Variants in PRKD3 observed in about 807,000 individuals in gnomAD.
The protein encoded by PRKD3 is protein kinase D3, also known as serine/threonine-protein kinase D3.
A neutral mutation model predicts 99.2 loss-of-function variants in PRKD3; 47 were observed. That is an observed-to-expected ratio of 0.47 (90% CI 0.38 to 0.60). PRKD3 has a LOEUF of 0.60. Ranked by LOEUF, PRKD3 falls within the 20% of genes least tolerant of loss-of-function variation. The pLI is 0.00. For missense variants in PRKD3, 1,019 were observed against 1,088.4 expected (o/e 0.94, Z 0.90); for synonymous variants, 392 against 355.4 (o/e 1.10, Z -1.16).
At chr2:37,291,041 C>T (rs530820558) in intron 3 of PRKD3, 42 bp from the exon 4 acceptor site, 3 of 1,533,844 alleles carry the variant, frequency 2.0e-6, no homozygotes, top group South Asian at 1.2e-5. Flanking sequence ...TGTATTTGTA[C>T]TGCGATGAGA....
intron 2 of PRKD3, among the ~76,000 whole-genome samples, chr2:37,294,260 T>A (rs996622572): frequency 2.0e-5 from 3 of 148,564 alleles, no homozygotes; most frequent in Non-Finnish European, 4.4e-5. Flanking sequence ...CACTCCCAGC[T>A]AATTTTTTAT....
intron 2 of PRKD3, among the ~76,000 whole-genome samples, chr2:37,311,652 AT>A (rs1050791938): frequency 2.6e-5 from 4 of 152,188 alleles, no homozygotes; most frequent in African/African-American, 4.8e-5. Flanking sequence ...AATTTTAAGA[AT>A]TTTTTTAAAG....
At chr2:37,311,418 T>G (rs928675661) in intron 2 of PRKD3, among the ~76,000 whole-genome samples, 6 of 152,188 alleles carry the variant, frequency 3.9e-5, no homozygotes, top group Non-Finnish European at 1.5e-5. Flanking sequence ...TGTTTCATCT[T>G]GGGAGCTTCC....
intron 2 of PRKD3, among the ~76,000 whole-genome samples, chr2:37,301,564 G>A (rs540789397): frequency 6.6e-6 from 1 of 151,934 alleles, no homozygotes; most frequent in Non-Finnish European, 1.5e-5. Flanking sequence ...CTCCCAAAGT[G>A]CTGAGATTAT....
intron 2 of PRKD3, among the ~76,000 whole-genome samples, chr2:37,302,873 G>A (rs1670996667): frequency 6.6e-6 from 1 of 152,082 alleles, no homozygotes; most frequent in Non-Finnish European, 1.5e-5. Flanking sequence ...GTGGGTCCTG[G>A]CGAAACCCCA....
intron 9 of PRKD3, among the ~76,000 whole-genome samples, chr2:37,276,813 T>C (rs1228271643): frequency 2.1e-5 from 3 of 141,542 alleles, no homozygotes; most frequent in Non-Finnish European, 3.0e-5. Flanking sequence ...CACATACACA[T>C]ATATATACAT....
intron 17 of PRKD3, among the ~76,000 whole-genome samples, chr2:37,256,440 C>CT (rs1322725548): frequency 6.6e-6 from 1 of 151,926 alleles, no homozygotes; most frequent in Non-Finnish European, 1.5e-5. Flanking sequence ...GCCACTGGGG[C>CT]CTATGTAAGT....
Position 37,316,312 on chromosome 2 carries a change from C to G in PRKD3, c.213G>C (p.Glu71Asp), listed in dbSNP as rs1459390630. 6.2e-7 allele frequency: 1 copy of G among 1,614,246 alleles called. No individual in the cohort carries two copies. ...SFLLQIGLTR[E>D]SVTIEAQELS... ...GTTCCTGGGCTTCAATGGTAACACTCTCCCGTGTGAGGCCAATTTGCAGTA... is the reference window on the plus strand; with the variant it reads ...GTTCCTGGGCTTCAATGGTAACACTGTCCCGTGTGAGGCCAATTTGCAGTA... Residue 71 changes from glutamate to aspartate, a missense_variant, in exon 2 of 19, where the codon GAG (glutamate) becomes GAC (aspartate). Glu to Asp is a conservative substitution (Grantham distance 45). This residue lies in a region of PRKD3 where 710 missense variants were observed against 692.7 expected (regional missense o/e 1.02). Coordinates refer to ENST00000234179, the MANE Select transcript of PRKD3 (RefSeq NM_005813.6).
At chr2:37,318,652 G>A (rs1417776344) in intron 1 of PRKD3, among the ~76,000 whole-genome samples, 1 of 152,210 alleles carries the variant, frequency 6.6e-6, no homozygotes, top group African/African-American at 2.4e-5. Context: ...TAAAACTGCA[G>A]AAAGGCATTG....
Position 37,274,582 on chromosome 2 carries a change from A to G in PRKD3, c.1490T>C (p.Val497Ala). 6.2e-7 allele frequency: 1 copy of G among 1,614,150 alleles called. No individual in the cohort carries two copies. Among genetic ancestry groups the G allele is most frequent in the Non-Finnish European group, 8.5e-7 (1 of 1,179,986 alleles). ...EIITDTMVYF[V>A]GENNGDSSHN... The stretch of plus-strand genomic sequence containing the variant: ...AGAGCTGTCCCCATTGTTCTCACCA[A>G]CGAAGTATACCATAGTATCAGTAAT... Residue 497 changes from valine to alanine, a missense_variant, in exon 11 of 19, where the codon GTT (valine) becomes GCT (alanine). This residue lies in a region of PRKD3 where 710 missense variants were observed against 692.7 expected (regional missense o/e 1.02). Coordinates refer to ENST00000234179, the MANE Select transcript of PRKD3 (RefSeq NM_005813.6).
chr2:37,269,495 C>A (rs1669074971), intron 13 of PRKD3, 120 bp downstream of exon 13: 2 of 781,868 alleles, frequency 2.6e-6, no homozygotes, highest in South Asian at 1.5e-5. Flanking sequence ...GATAACAAGT[C>A]AGCCTTTAAA....
At chr2:37,292,207 G>C (rs527863853) in intron 3 of PRKD3, among the ~76,000 whole-genome samples, 12 of 152,022 alleles carry the variant, frequency 7.9e-5, no homozygotes, top group Non-Finnish European at 5.9e-5. Flanking sequence ...AAATGGGGGT[G>C]GGGGAAGGGG....
chr2:37,324,287 C>G, intron 1 of PRKD3: 1 of 937,172 alleles, frequency 1.1e-6, no homozygotes, highest in Non-Finnish European at 1.3e-6. Flanking sequence ...GGTCTGGCTT[C>G]GGGAACTAGT....
In PRKD3 at chr2:37,252,138, A is replaced by G. The variant is rs1667549827; in HGVS notation, c.*1039T>C. On this transcript the variant is annotated 3_prime_UTR_variant, in exon 19 of 19. Coordinates refer to ENST00000234179, the MANE Select transcript of PRKD3 (RefSeq NM_005813.6). ...CCCCTCAAACTGCTTAAAATAATTGACTTTAAAACACTCCAGATATCTGCA... is the reference window on the plus strand; with the variant it reads ...CCCCTCAAACTGCTTAAAATAATTGGCTTTAAAACACTCCAGATATCTGCA... 1 of 152,108 alleles carries G rather than the reference A, an allele frequency of 6.6e-6. No individual in the cohort carries two copies. Among genetic ancestry groups the G allele is most frequent in the Non-Finnish European group, 1.5e-5 (1 of 68,018 alleles). 9.4% of individuals were successfully genotyped at this position (152,108 alleles called of 1,614,324 possible).
intron 10 of PRKD3, 21 bp from the exon 11 acceptor site, chr2:37,274,718 T>C (rs756303302): frequency 1.3e-6 from 2 of 1,599,032 alleles, no homozygotes; most frequent in South Asian, 1.1e-5. Flanking sequence ...AAATTAAGCA[T>C]TGAAAAATAA....
intron 1 of PRKD3, among the ~76,000 whole-genome samples, chr2:37,319,583 G>A (rs1022180053): frequency 2.0e-5 from 3 of 152,060 alleles, no homozygotes; most frequent in African/African-American, 4.8e-5. Context: ...ATTTATCAAC[G>A]AAAAAGATTA....
chr2:37,304,295 G>T (rs1342720230), intron 2 of PRKD3, among the ~76,000 whole-genome samples: 2 of 151,628 alleles, frequency 1.3e-5, no homozygotes, highest in African/African-American at 4.8e-5. Context: ...CCAATTTTAG[G>T]AAAATATTTA....
chr2:37,286,419 T>TAGTG (rs1558555072), intron 5 of PRKD3, 50 bp from the exon 6 acceptor site: 2 of 1,489,570 alleles, frequency 1.3e-6, no homozygotes, highest in South Asian at 2.4e-5. Context: ...AAAAACAGAG[T>TAGTG]AGTGGGAGCA....
chr2:37,295,825 T>C (rs1340394028), intron 2 of PRKD3, among the ~76,000 whole-genome samples: 1 of 152,214 alleles, frequency 6.6e-6, no homozygotes, highest in African/African-American at 2.4e-5. Flanking sequence ...TGATTAAATC[T>C]GTATTTTAAA....
Sources: allele counts gnomAD v4.1 joint callset (sites outside exome capture counted in the v4.1 genomes callset), GRCh38; gene constraint gnomAD v4.1.1; regional missense constraint gnomAD v4.1.1; transcripts MANE v1.5; gene names NCBI Gene and HGNC (gene_info 2026-07-23, HGNC 2026-07-21).